The following TFB1M variants were observed in gnomAD, a reference collection of about 807,000 sequenced individuals.
TFB1M encodes the protein dimethyladenosine transferase 1, mitochondrial.
TFB1M carries 27 observed loss-of-function variants against 31.1 expected under a neutral mutation model. The observed-to-expected ratio is 0.87, with a 90% CI of 0.64 to 1.20. The LOEUF (loss-of-function observed/expected upper bound fraction) is 1.20. TFB1M is among the 50% of genes most tolerant of loss of function. The pLI, the probability that TFB1M is intolerant of heterozygous loss-of-function variation, is 0.00. For missense variants in TFB1M, 394 were observed against 418.7 expected (o/e 0.94, Z 0.51); for synonymous variants, 166 against 151.8 (o/e 1.09, Z -0.69).
the TFB1M span, among the ~76,000 whole-genome samples, chr6:155,243,163 G>A: frequency 6.6e-6 from 1 of 152,298 alleles, no homozygotes; most frequent in Admixed American, 6.5e-5. Context: ...TTAGAGTTTA[G>A]CCATTAGAGC....
intron 5 of TFB1M, among the ~76,000 whole-genome samples, chr6:155,267,373 T>C (rs1784705200): frequency 6.6e-6 from 1 of 152,224 alleles, no homozygotes; most frequent in South Asian, 2.1e-4. Flanking sequence ...CCAAATTCAA[T>C]GTTTTATTTG....
chr6:155,272,285 G>A (rs1472734524), intron 5 of TFB1M, among the ~76,000 whole-genome samples: 3 of 152,138 alleles, frequency 2.0e-5, no homozygotes, highest in African/African-American at 7.2e-5. Context: ...CAGTAAATCT[G>A]CTTTTAAATA....
At chr6:155,269,952 A>G (rs117742314) in intron 5 of TFB1M, among the ~76,000 whole-genome samples, 1,730 of 152,384 alleles carry the variant, frequency 0.011, 14 homozygotes, top group Middle Eastern at 0.024. Context: ...GTGATGAACG[A>G]AACAGAGAGA....
Position 155,257,650 on chromosome 6 carries a change from A to G in TFB1M, c.*186T>C. The G allele has an allele frequency of 3.1e-6, 2 of 638,038 alleles. No individual in the cohort carries two copies. The highest frequency in any genetic ancestry group is 5.4e-6 in the Non-Finnish European group (2 of 373,728). 39.5% of individuals were successfully genotyped at this position (638,038 alleles called of 1,614,324 possible). ...ATCTATACAGTATATATTAAAAGAA[A>G]GCTTGTACTGTATCTTATTTGATGA... is the stretch of plus-strand genomic sequence containing the variant. On this transcript the variant is annotated 3_prime_UTR_variant, in exon 7 of 7. Coordinates refer to ENST00000367166, the MANE Select transcript of TFB1M (RefSeq NM_016020.4).
downstream of TFB1M, chr6:155,254,723 G>A (rs1783891845): frequency 3.0e-6 from 3 of 984,198 alleles, no homozygotes; most frequent in Admixed American, 5.5e-5. Flanking sequence ...CATGCCTCTT[G>A]CTCCCAGACG....
chr6:155,272,417 G>A (rs917949135), intron 5 of TFB1M, among the ~76,000 whole-genome samples: 10 of 152,074 alleles, frequency 6.6e-5, no homozygotes, highest in African/African-American at 2.4e-4. Context: ...TGTTCTGTGT[G>A]CACTGTGTTT....
At chr6:155,239,959 T>C in the TFB1M span, among the ~76,000 whole-genome samples, 1 of 152,210 alleles carries the variant, frequency 6.6e-6, no homozygotes, top group Admixed American at 6.5e-5. Context: ...GCTCAAGAGT[T>C]TCTCACTCAT....
the TFB1M span, chr6:155,249,782 A>G: frequency 2.2e-6 from 3 of 1,334,736 alleles, no homozygotes; most frequent in Non-Finnish European, 3.1e-6. Context: ...GACTCCATTC[A>G]TTATTACTGT....
rs570702246 is a variant in TFB1M, at chr6:155,264,729, G to A, written c.667-4329C>T. Among the ~76,000 whole-genome samples the A allele has an allele frequency of 4.6e-5, 7 of 152,258 alleles. No individual in the cohort carries two copies. The East Asian group carries it at 1.4e-3, about 29-fold the overall frequency. Reference sequence around the variant, plus strand: ...AGCAGATGTGGTAGGAAGAACTGAGGCCAAGAGAATGACAGCAAACTCAGA... The same window carrying A: ...AGCAGATGTGGTAGGAAGAACTGAGACCAAGAGAATGACAGCAAACTCAGA... On this transcript the variant is annotated intron_variant, in intron 5 of 6. Transcript: ENST00000367166.
the TFB1M span, chr6:155,240,788 A>T: frequency 1.4e-6 from 2 of 1,436,242 alleles, no homozygotes; most frequent in South Asian, 1.4e-5. Flanking sequence ...TCCCCAGATC[A>T]CCTCTGCCCA....
intron 4 of TFB1M, among the ~76,000 whole-genome samples, chr6:155,286,879 T>C (rs960327382): frequency 1.3e-5 from 2 of 151,918 alleles, no homozygotes; most frequent in Non-Finnish European, 2.9e-5. Flanking sequence ...TAAAACATTA[T>C]AAATGTTTGT....
intron 4 of TFB1M, among the ~76,000 whole-genome samples, chr6:155,294,390 T>C (rs190068748): frequency 1.2e-3 from 187 of 152,144 alleles, no homozygotes; most frequent in Non-Finnish European, 2.6e-4. Context: ...CAACATGCAA[T>C]AGAGTAGAAG....
intron 5 of TFB1M, among the ~76,000 whole-genome samples, chr6:155,283,974 A>G (rs1224280507): frequency 6.6e-6 from 1 of 152,222 alleles, no homozygotes; most frequent in Non-Finnish European, 1.5e-5. Context: ...CTTGGATCTA[A>G]TTATTCTAGG....
intron 5 of TFB1M, among the ~76,000 whole-genome samples, chr6:155,262,212 C>G (rs1355101107): frequency 6.6e-6 from 1 of 152,074 alleles, no homozygotes; most frequent in African/African-American, 2.4e-5. Flanking sequence ...CAGCTCAGGG[C>G]AGTTCTGGGG....
the TFB1M span, among the ~76,000 whole-genome samples, chr6:155,244,328 A>G: frequency 6.6e-6 from 1 of 152,244 alleles, no homozygotes; most frequent in Non-Finnish European, 1.5e-5. Flanking sequence ...AGAGAGTGTG[A>G]TCAGAAATTC....
intron 4 of TFB1M, among the ~76,000 whole-genome samples, chr6:155,286,871 A>C (rs1033342602): frequency 3.9e-5 from 6 of 151,986 alleles, no homozygotes; most frequent in Admixed American, 3.3e-4. Context: ...CTGTATAATA[A>C]AACATTATAA....
chr6:155,266,227 A>G (rs1440261286), intron 5 of TFB1M, among the ~76,000 whole-genome samples: 1 of 152,184 alleles, frequency 6.6e-6, no homozygotes, highest in Non-Finnish European at 1.5e-5. Context: ...TTTTCATTAG[A>G]ATTAAATGGA....
Position 155,257,007 on chromosome 6 carries a change from A to G in TFB1M, c.*829T>C. The G allele has an allele frequency of 6.2e-7, 1 of 1,614,194 alleles. No homozygotes were observed. On this transcript the variant is annotated 3_prime_UTR_variant, in exon 7 of 7. Coordinates refer to ENST00000367166, the MANE Select transcript of TFB1M (RefSeq NM_016020.4). The stretch of plus-strand genomic sequence containing the variant: ...ACCAGTCCCTTGACAGTCAGTCTGA[A>G]AATGCCACCATCGACCTAAATTCTG...
intron 4 of TFB1M, among the ~76,000 whole-genome samples, chr6:155,289,888 G>A (rs162974): frequency 0.56 from 85,343 of 151,842 alleles, 24,944 homozygotes; most frequent in East Asian, 0.84. Flanking sequence ...GTTGTAAAGT[G>A]TGTAGCACCT....
Sources: allele counts gnomAD v4.1 joint callset (sites outside exome capture counted in the v4.1 genomes callset), GRCh38; gene constraint gnomAD v4.1.1; transcripts MANE v1.5; gene names NCBI Gene and HGNC (gene_info 2026-07-23, HGNC 2026-07-21).